Variants in RBFOX1 observed in about 807,000 individuals in gnomAD.
RBFOX1 encodes RNA binding fox-1 homolog 1.
A neutral mutation model predicts 57.7 loss-of-function variants in RBFOX1; 8 were observed. The observed-to-expected ratio is 0.14, with a 90% CI of 0.08 to 0.25. The LOEUF is 0.25. Among genes scored for constraint, RBFOX1 ranks in the 10% least tolerant of loss-of-function variants. The probability of loss-of-function intolerance (pLI) is 1.00; values close to 1 mark genes in which losing one functional copy is unlikely to be tolerated. For missense variants in RBFOX1, 611 were observed against 548.5 expected (o/e 1.11, Z -1.14); for synonymous variants, 326 against 222.4 (o/e 1.47, Z -4.15).
chr16:6,005,232 T>C (rs2060672242), intron 4 of RBFOX1, among the ~76,000 whole-genome samples: 1 of 152,190 alleles, frequency 6.6e-6, no homozygotes, highest in South Asian at 2.1e-4. Context: ...AAAAACACCC[T>C]GCAGCTGAAA....
chr16:6,028,089 C>A (rs2095231112), intron 1 of RBFOX1, among the ~76,000 whole-genome samples: 1 of 152,160 alleles, frequency 6.6e-6, no homozygotes, highest in Admixed American at 6.5e-5. Context: ...TGGGACCAGC[C>A]CCCTGTCTTG....
intron 3 of RBFOX1, among the ~76,000 whole-genome samples, chr16:6,881,661 C>T (rs1046939555): frequency 6.6e-6 from 1 of 152,154 alleles, no homozygotes; most frequent in African/African-American, 2.4e-5. Flanking sequence ...AATAAAGTCA[C>T]ATTCTTAGAT....
chr16:5,486,450 G>A (rs1350943381), intron 2 of RBFOX1, among the ~76,000 whole-genome samples: 1 of 152,248 alleles, frequency 6.6e-6, no homozygotes, highest in African/African-American at 2.4e-5. Context: ...TCATTGTACA[G>A]AGTGATCTGT....
intron 4 of RBFOX1, among the ~76,000 whole-genome samples, chr16:7,124,001 A>G (rs542042642): frequency 1.3e-5 from 2 of 152,306 alleles, no homozygotes; most frequent in South Asian, 2.1e-4. Flanking sequence ...TATGATGTCT[A>G]TTTAATTCTA....
chr16:5,955,444 A>G (rs2059618060), intron 4 of RBFOX1, among the ~76,000 whole-genome samples: 2 of 151,800 alleles, frequency 1.3e-5, no homozygotes, highest in East Asian at 1.9e-4. Flanking sequence ...AGAACTAACT[A>G]TACCCTTTTG....
intron 1 of RBFOX1, among the ~76,000 whole-genome samples, chr16:6,212,640 G>A (rs2097305983): frequency 6.6e-6 from 1 of 152,126 alleles, no homozygotes; most frequent in Admixed American, 6.5e-5. Flanking sequence ...CCGGGAGGTG[G>A]AGCTTGCAGT....
intron 1 of RBFOX1, among the ~76,000 whole-genome samples, chr16:5,430,084 A>T (rs1329732108): frequency 2.6e-5 from 4 of 152,208 alleles, no homozygotes; most frequent in African/African-American, 9.6e-5. Flanking sequence ...GTAAGTATTT[A>T]TTGAGCTCCT....
chr16:7,218,042 C>T (rs1191964923), intron 4 of RBFOX1, among the ~76,000 whole-genome samples: 63 of 149,320 alleles, frequency 4.2e-4, no homozygotes, highest in South Asian at 2.2e-4. Flanking sequence ...CGCGCGTGTG[C>T]GTGCATTTGC....
At chr16:5,828,196 C>T (rs185289143) in intron 3 of RBFOX1, among the ~76,000 whole-genome samples, 16 of 152,146 alleles carry the variant, frequency 1.1e-4, no homozygotes, top group Middle Eastern at 3.4e-3. Flanking sequence ...TGTATCTGTC[C>T]GCTCATCCAT....
chr16:5,723,495 GGCAGTC>G (rs1346329756), intron 3 of RBFOX1, among the ~76,000 whole-genome samples: 1,548 of 150,354 alleles, frequency 0.01, 80 homozygotes, highest in African/African-American at 0.036. Flanking sequence ...ATTAAACAGT[GGCAGTC>G]TCAGGCTTGG....
At chr16:5,781,627 A>G (rs886575094) in intron 3 of RBFOX1, among the ~76,000 whole-genome samples, 1 of 152,274 alleles carries the variant, frequency 6.6e-6, no homozygotes, top group African/African-American at 2.4e-5. Context: ...GAAAGCAGAC[A>G]TAGACGTGTA....
intron 4 of RBFOX1, among the ~76,000 whole-genome samples, chr16:7,161,228 G>A (rs549368037): frequency 6.6e-5 from 10 of 152,198 alleles, no homozygotes; most frequent in East Asian, 3.9e-4. Flanking sequence ...AGGCAGGTTC[G>A]TGGAGAAAGA....
intron 4 of RBFOX1, among the ~76,000 whole-genome samples, chr16:7,398,733 C>T (rs569658733): frequency 2.0e-5 from 3 of 152,364 alleles, no homozygotes; most frequent in African/African-American, 7.2e-5. Flanking sequence ...AGTCTGACTA[C>T]AGTCTGACTA....
At chr16:5,966,999 G>T (rs531295342) in intron 4 of RBFOX1, among the ~76,000 whole-genome samples, 1 of 134,940 alleles carries the variant, frequency 7.4e-6, no homozygotes, top group South Asian at 2.8e-4. Context: ...ATCGGGGGGG[G>T]GGGGGTCAAT....
At chr16:5,548,415 C>T (rs10852658) in intron 2 of RBFOX1, among the ~76,000 whole-genome samples, 109,006 of 151,174 alleles carry the variant, frequency 0.72, 39,725 homozygotes, top group East Asian at 0.99. Flanking sequence ...CACACAAAAA[C>T]AGAATGAATA....
chr16:7,323,256 T>G (rs1426665906), intron 4 of RBFOX1, among the ~76,000 whole-genome samples: 1 of 152,042 alleles, frequency 6.6e-6, no homozygotes, highest in Non-Finnish European at 1.5e-5. Flanking sequence ...GACCCCCATC[T>G]CTGAAAAAAA....
chr16:6,897,171 G>A (rs933000874), intron 3 of RBFOX1, among the ~76,000 whole-genome samples: 6 of 152,186 alleles, frequency 3.9e-5, no homozygotes, highest in African/African-American at 1.4e-4. Context: ...CGGCTGTAGA[G>A]TAGAGATTTA....
At chr16:6,640,240 C>T (rs1212229308) in intron 2 of RBFOX1, among the ~76,000 whole-genome samples, 1 of 152,112 alleles carries the variant, frequency 6.6e-6, no homozygotes, top group Non-Finnish European at 1.5e-5. Flanking sequence ...TCAGATACGC[C>T]TTTTGCCACA....
At chr16:5,365,773 A>C (rs577048740) in intron 1 of RBFOX1, 59 of 496,512 alleles carry the variant, frequency 1.2e-4, no homozygotes, top group African/African-American at 9.9e-4. Context: ...CTTCTCTCCC[A>C]CCTAAGTGCA....
Sources: gnomAD v4.1 joint callset for allele counts (sites outside exome capture counted in the v4.1 genomes callset) on GRCh38, gnomAD v4.1.1 for gene constraint, MANE v1.5 for transcripts, NCBI Gene and HGNC (gene_info 2026-07-23, HGNC 2026-07-21) for gene names.